Variants in SAAL1 observed in about 807,000 individuals in gnomAD.
The protein encoded by SAAL1 is protein SAAL1.
In SAAL1, 42 loss-of-function variants were observed where a neutral mutation model predicts 59.8. That is an observed-to-expected ratio of 0.70 (90% confidence interval 0.55 to 0.91). The LOEUF is 0.91. Among genes scored for constraint, SAAL1 ranks in the 40% least tolerant of loss-of-function variants. SAAL1 has a pLI of 0.00. For missense variants in SAAL1, 542 were observed against 561.1 expected, an observed-to-expected ratio of 0.97 and a Z score of 0.34; for synonymous variants, 191 against 194.3, an observed-to-expected ratio of 0.98 and a Z score of 0.14.
At chr11:18,081,114 T>C (rs1200723930) in intron 11 of SAAL1, among the ~76,000 whole-genome samples, 2 of 152,024 alleles carry the variant, frequency 1.3e-5, no homozygotes, top group African/African-American at 4.8e-5. Flanking sequence ...TAGTACCCAA[T>C]AGGTAGTTTT....
intron 9 of SAAL1, among the ~76,000 whole-genome samples, chr11:18,084,043 AATACCC>A (rs1423678381): frequency 1.3e-5 from 2 of 152,200 alleles, no homozygotes; most frequent in Non-Finnish European, 2.9e-5. Flanking sequence ...CAGCAATTAA[AATACCC>A]TAGGAGGTCA....
chr11:18,087,120 T>C, intron 8 of SAAL1, 23 bp downstream of exon 8: 1 of 1,601,562 alleles, frequency 6.2e-7, no homozygotes. Context: ...GTAACTGTAG[T>C]GCATCCCGAT....
In SAAL1 at chr11:18,084,480, T is replaced by A. The variant is rs371867236; in HGVS notation, c.1043-749A>T. Among the ~76,000 whole-genome samples, 45 of 152,274 alleles carry A rather than the reference T, an allele frequency of 3.0e-4. 1 individual carries two copies. The East Asian group carries it at 6.4e-3, about 22-fold the overall frequency. ...TGGCTCCATGTGCTACTTTGCTAAA[T>A]CCACCCCAGCCATATGGGATCTCAC... On this transcript the variant is annotated intron_variant, in intron 9 of 11. Coordinates refer to ENST00000524803, the MANE Select transcript of SAAL1 (RefSeq NM_138421.3).
chr11:18,103,137 G>A (rs762939011), intron 2 of SAAL1, 96 bp downstream of exon 2: 1 of 819,076 alleles, frequency 1.2e-6, no homozygotes, highest in Non-Finnish European at 2.1e-6. Flanking sequence ...AGGAGATAAA[G>A]CCTTTCCCCA....
intron 2 of SAAL1, among the ~76,000 whole-genome samples, chr11:18,102,581 T>G (rs900460506): frequency 5.3e-5 from 8 of 152,028 alleles, no homozygotes; most frequent in African/African-American, 1.9e-4. Flanking sequence ...CGGGTGGCAA[T>G]GTAGAGGACA....
intron 4 of SAAL1, among the ~76,000 whole-genome samples, chr11:18,091,488 A>C (rs1241836180): frequency 6.6e-6 from 1 of 152,212 alleles, no homozygotes; most frequent in East Asian, 1.9e-4. Context: ...CACAACTAGG[A>C]GTTCTCTCTT....
chr11:18,099,107 G>C (rs1313452964), intron 2 of SAAL1, among the ~76,000 whole-genome samples: 2 of 152,180 alleles, frequency 1.3e-5, no homozygotes, highest in African/African-American at 4.8e-5. Context: ...CTATGGTCTT[G>C]TTTTTTAAAA....
chr11:18,096,882 G>T, intron 2 of SAAL1, 28 bp from the exon 3 acceptor site: 1 of 1,146,576 alleles, frequency 8.7e-7, no homozygotes. Flanking sequence ...TATTAACTTG[G>T]ATGTTGAATA....
At chr11:18,099,439 C>A (rs1400762003) in intron 2 of SAAL1, among the ~76,000 whole-genome samples, 2 of 152,144 alleles carry the variant, frequency 1.3e-5, no homozygotes, top group East Asian at 3.8e-4. Context: ...AATTTTCATT[C>A]TAAAGAAATG....
chr11:18,105,456 A>C (rs904443572), intron 1 of SAAL1, among the ~76,000 whole-genome samples: 2 of 137,180 alleles, frequency 1.5e-5, no homozygotes, highest in African/African-American at 7.2e-5. Flanking sequence ...TACAGAGGTG[A>C]GCCACCGCGC....
intron 2 of SAAL1, 58 bp from the exon 3 acceptor site, chr11:18,096,912 G>T: frequency 1.1e-6 from 1 of 896,804 alleles, no homozygotes; most frequent in Non-Finnish European, 1.8e-6. Context: ...AAACCCTAAA[G>T]CTCAGGCAAC....
At position 18,106,037 on chromosome 11, in the gene SAAL1, T is replaced by A; in HGVS notation, c.5A>T (p.Asp2Val). Residue 2 changes from aspartate (D) to valine (V), a missense_variant, in exon 1 of 12, where the codon GAC (aspartate) becomes GTC (valine). Asp to Val is a radical substitution (Grantham distance 152). Transcript: ENST00000524803. MDRNPSPPPPGR... is the reference protein window; with the variant it reads MVRNPSPPPPGR... ...CGGCGGCGGCGGCGAGGGGTTGCGG[T>A]CCATGACTTTGTCGCGTCCCGCGCT... 1 of 1,602,702 alleles carries A rather than the reference T, an allele frequency of 6.2e-7. No individual in the cohort carries two copies. The highest frequency in any genetic ancestry group is 8.5e-7 in the Non-Finnish European group (1 of 1,178,286).
intron 2 of SAAL1, among the ~76,000 whole-genome samples, chr11:18,098,759 G>A (rs1160986929): frequency 2.0e-5 from 3 of 152,252 alleles, no homozygotes; most frequent in Non-Finnish European, 4.4e-5. Flanking sequence ...TCTCTTCACT[G>A]TAAGTGATCA....
intron 2 of SAAL1, among the ~76,000 whole-genome samples, chr11:18,101,627 T>C (rs1466626076): frequency 2.0e-5 from 3 of 152,246 alleles, no homozygotes; most frequent in Non-Finnish European, 1.5e-5. Context: ...TATTTCCTTA[T>C]AGCAGTATGA....
chr11:18,090,194 A>G lies in SAAL1; in HGVS notation c.570T>C (p.Ile190=). 6.3e-7 allele frequency: 1 copy of G among 1,599,696 alleles called. No individual in the cohort carries two copies. Among genetic ancestry groups the G allele is most frequent in the Non-Finnish European group, 8.5e-7 (1 of 1,175,792 alleles). The change falls in exon 6 of 12, where the codon ATT becomes ATC. Residue 190 remains isoleucine (I), a synonymous_variant. Coordinates refer to ENST00000524803, the MANE Select transcript of SAAL1 (RefSeq NM_138421.3). ...HPAIYDSICF[I]MSSSTNVDLL... is the part of the protein sequence containing the mutation. ...ACTTACCATTTGTTGAACTTGACAT[A>G]ATGAAGCAAATGCTATCATAAATAG...
intron 4 of SAAL1, 35 bp from the exon 5 acceptor site, chr11:18,090,528 C>T (rs750649395): frequency 6.3e-7 from 1 of 1,581,326 alleles, no homozygotes; most frequent in East Asian, 2.2e-5. Flanking sequence ...ATATGCCTCA[C>T]TTCTCGCATT....
At position 18,096,815 on chromosome 11, in the gene SAAL1, T is replaced by C; in HGVS notation, c.289A>G (p.Ile97Val). 1 of 1,584,186 alleles carries C rather than the reference T, an allele frequency of 6.3e-7. No individual in the cohort carries two copies. The highest frequency in any genetic ancestry group is 1.1e-5 in the South Asian group (1 of 87,308). The change falls in exon 3 of 12, where the codon ATA becomes GTA. Residue 97 changes from isoleucine (I) to valine (V), a missense_variant. By Grantham distance (29) the Ile-to-Val change is conservative (BLOSUM62 3). Transcript: ENST00000524803. The stretch of plus-strand genomic sequence containing the variant: ...GACTTGGCCAGTACTCCCATGAATA[T>C]ATCAGGAGCATTAAATTCTTGGAGA... ...LFLQEFNAPD[I>V]FMGVLAKSKC...
intron 1 of SAAL1, 94 bp from the exon 2 acceptor site, chr11:18,103,440 C>A: frequency 1.0e-6 from 1 of 964,198 alleles, no homozygotes; most frequent in South Asian, 1.3e-5. Context: ...AACATTTCCT[C>A]GTAACGCTGA....
At chr11:18,099,273 C>T (rs1395705796) in intron 2 of SAAL1, among the ~76,000 whole-genome samples, 1 of 152,212 alleles carries the variant, frequency 6.6e-6, no homozygotes, top group African/African-American at 2.4e-5. Flanking sequence ...AAGTACCCAG[C>T]GAGACTATGT....
Sources: allele counts gnomAD v4.1 joint callset (sites outside exome capture counted in the v4.1 genomes callset), GRCh38; gene constraint gnomAD v4.1.1; transcripts MANE v1.5; gene names NCBI Gene and HGNC (gene_info 2026-07-23, HGNC 2026-07-21).